Variants in DLG1 observed in about 807,000 individuals in gnomAD.
DLG1 encodes the protein disks large homolog 1.
DLG1 carries 42 observed loss-of-function variants against 123.4 expected under a neutral mutation model. The observed-to-expected ratio is 0.34, with a 90% CI of 0.27 to 0.44. The LOEUF is 0.44. Among genes scored for constraint, DLG1 ranks in the 20% least tolerant of loss-of-function variants. The probability of loss-of-function intolerance (pLI) is 1.00; values close to 1 mark genes in which losing one functional copy is unlikely to be tolerated. For missense variants in DLG1, 942 were observed against 1,082.6 expected (o/e 0.87, Z 1.82); for synonymous variants, 317 against 356.2 (o/e 0.89, Z 1.24).
chr3:197,259,350 A>G lies in DLG1; in HGVS notation c.318+23329T>C, dbSNP rs555379207. Among the ~76,000 whole-genome samples the G allele has an allele frequency of 4.6e-5, 7 of 152,308 alleles. No individual in the cohort carries two copies. In the East Asian group the frequency reaches 1.2e-3, roughly 25 times the overall value. On this transcript the variant is annotated intron_variant, in intron 4 of 24. Coordinates refer to ENST00000667157, the MANE Select transcript of DLG1 (RefSeq NM_001366207.1). ...ATCAGAAACTACTGTTTGAACTAGA[A>G]CTCTGAGCAACAAGAAAAGAAAACT...
At chr3:197,196,171 C>CAAAAAAAAA (rs71162001) in intron 4 of DLG1, among the ~76,000 whole-genome samples, 2 of 88,714 alleles carry the variant, frequency 2.3e-5, no homozygotes, top group Non-Finnish European at 4.2e-5. Flanking sequence ...AAATGCACAC[C>CAAAAAAAAA]AAAAAAAAAA....
At chr3:197,111,296 G>C (rs1322097321) in intron 13 of DLG1, among the ~76,000 whole-genome samples, 1 of 152,148 alleles carries the variant, frequency 6.6e-6, no homozygotes, top group African/African-American at 2.4e-5. Context: ...GGGTGAACTA[G>C]GTTGAGTTGG....
intron 21 of DLG1, 129 bp from the exon 22 acceptor site, chr3:197,065,577 AT>A: frequency 9.9e-7 from 1 of 1,011,686 alleles, no homozygotes; most frequent in Non-Finnish European, 1.5e-6. Context: ...AAGGACAATA[AT>A]ATGGAGGATG....
At chr3:197,123,698 A>C (rs1777572155) in intron 11 of DLG1, among the ~76,000 whole-genome samples, 1 of 152,186 alleles carries the variant, frequency 6.6e-6, no homozygotes, top group Admixed American at 6.5e-5. Flanking sequence ...TGGAGACTAA[A>C]CATATGCCTA....
intron 4 of DLG1, among the ~76,000 whole-genome samples, chr3:197,266,379 T>C (rs1163547326): frequency 1.3e-5 from 2 of 151,802 alleles, no homozygotes; most frequent in African/African-American, 4.8e-5. Flanking sequence ...GTGTGTTAAT[T>C]AGACAAAAAT....
intron 11 of DLG1, among the ~76,000 whole-genome samples, chr3:197,120,020 G>A (rs1002051203): frequency 6.6e-6 from 1 of 152,182 alleles, no homozygotes; most frequent in Non-Finnish European, 1.5e-5. Flanking sequence ...AGCACTTTGG[G>A]AGGCCAAGGC....
chr3:197,163,471 A>C (rs1055184433), intron 5 of DLG1, among the ~76,000 whole-genome samples: 4 of 152,122 alleles, frequency 2.6e-5, no homozygotes, highest in African/African-American at 9.7e-5. Flanking sequence ...CCACGTGTCT[A>C]TCAGGAGATG....
chr3:197,075,317 CA>C (rs58384491), intron 18 of DLG1, among the ~76,000 whole-genome samples: 26,225 of 89,360 alleles, frequency 0.29, 2,429 homozygotes, highest in East Asian at 0.51. Flanking sequence ...ATAACTTTCT[CA>C]AAAAAAAAAA....
chr3:197,156,388 A>T (rs58076015), intron 5 of DLG1, among the ~76,000 whole-genome samples: 2,279 of 152,326 alleles, frequency 0.015, 63 homozygotes, highest in African/African-American at 0.052. Flanking sequence ...GCAGGAAATG[A>T]GGAACAAAAA....
At chr3:197,107,041 C>T (rs752732314) in intron 13 of DLG1, among the ~76,000 whole-genome samples, 1 of 152,178 alleles carries the variant, frequency 6.6e-6, no homozygotes, top group Non-Finnish European at 1.5e-5. Flanking sequence ...CTCTCCATCC[C>T]TGGCAACTAC....
At chr3:197,051,490 A>T in intron 24 of DLG1, 87 bp downstream of exon 24, 1 of 982,212 alleles carries the variant, frequency 1.0e-6, no homozygotes, top group Non-Finnish European at 1.6e-6. Context: ...ATGTAGGCAT[A>T]GTTCAAAATC....
intron 4 of DLG1, among the ~76,000 whole-genome samples, chr3:197,216,447 C>A (rs1041319346): frequency 2.0e-5 from 3 of 152,186 alleles, no homozygotes; most frequent in Non-Finnish European, 2.9e-5. Flanking sequence ...AAAAAAGGCA[C>A]ATGGGGCAGT....
At chr3:197,045,393 C>CA (rs1201378544) in intron 24 of DLG1, among the ~76,000 whole-genome samples, 1 of 152,060 alleles carries the variant, frequency 6.6e-6, no homozygotes, top group Non-Finnish European at 1.5e-5. Context: ...CAAACAAAAA[C>CA]AAAGTATCGC....
At chr3:197,231,475 CG>C (rs1390100548) in intron 4 of DLG1, among the ~76,000 whole-genome samples, 1 of 151,956 alleles carries the variant, frequency 6.6e-6, no homozygotes, top group East Asian at 1.9e-4. Flanking sequence ...GCCGAGCGGG[CG>C]GGTCGCTTAA....
intron 7 of DLG1, among the ~76,000 whole-genome samples, chr3:197,141,530 ACTCT>A (rs1787992866): frequency 6.6e-6 from 1 of 152,126 alleles, no homozygotes; most frequent in South Asian, 2.1e-4. Flanking sequence ...CATGTAAGAG[ACTCT>A]CTCAGATTTA....
intron 11 of DLG1, among the ~76,000 whole-genome samples, chr3:197,120,938 A>C (rs1341548827): frequency 6.6e-6 from 1 of 152,212 alleles, no homozygotes; most frequent in Non-Finnish European, 1.5e-5. Flanking sequence ...GGGATTTTCA[A>C]GTGAATTGGT....
rs1012777728 is a variant in DLG1, at chr3:197,172,692, T to C, written c.483+21733A>G. Among the ~76,000 whole-genome samples, 21 of 152,182 alleles carry C rather than the reference T, an allele frequency of 1.4e-4. 1 individual carries two copies. Among genetic ancestry groups the C allele is most frequent in the Non-Finnish European group, 7.4e-5 (5 of 68,020 alleles). On this transcript the variant is annotated intron_variant, in intron 5 of 24. Transcript: ENST00000667157. ...CATAGTAGACATTGCTAAAAGGTTATTTCTGTGTTTCTGGGCAGCCACCAC... is the reference window on the plus strand; with the variant it reads ...CATAGTAGACATTGCTAAAAGGTTACTTCTGTGTTTCTGGGCAGCCACCAC...
At position 197,180,067 on chromosome 3, in the gene DLG1, T is replaced by TGG. The variant is rs60631930; in HGVS notation, c.483+14356_483+14357dup. On this transcript the variant is annotated intron_variant, in intron 5 of 24. Transcript: ENST00000667157. Reference sequence around the variant, plus strand: ...AATTTGGCATGTTGTGTTTTTTTTTTGGGGGGGGGGGGGCTTTTTGAGTAT... The same window carrying TGG: ...AATTTGGCATGTTGTGTTTTTTTTTTGGGGGGGGGGGGGGGCTTTTTGAGTAT... 1.7e-3 allele frequency among the ~76,000 whole-genome samples: 149 copies of TGG among 87,832 alleles called. 1 individual carries two copies. Among genetic ancestry groups the TGG allele is most frequent in the Admixed American group, 2.3e-3 (16 of 6,898 alleles). The allele number at this position is 87,832 out of a possible 152,430, so 57.6% of individuals were successfully genotyped here. A position where few individuals can be genotyped will look rare whatever the true frequency, so the allele number is the denominator to read the frequency against.
chr3:197,239,413 C>A (rs1747709145), intron 4 of DLG1, among the ~76,000 whole-genome samples: 1 of 152,104 alleles, frequency 6.6e-6, no homozygotes, highest in Non-Finnish European at 1.5e-5. Context: ...AAAATTAATG[C>A]CAATCCTTCT....
Sources: allele counts gnomAD v4.1 joint callset (sites outside exome capture counted in the v4.1 genomes callset), GRCh38; gene constraint gnomAD v4.1.1; transcripts MANE v1.5; gene names NCBI Gene and HGNC (gene_info 2026-07-23, HGNC 2026-07-21).